The following H3C6 variants were observed in gnomAD, a reference collection of about 807,000 sequenced individuals.
The protein encoded by H3C6 is H3 clustered histone 6.
In H3C6, 17 loss-of-function variants were observed where a neutral mutation model predicts 8.0. That is an observed-to-expected ratio of 2.13 (90% CI 1.46 to 3.19). The LOEUF is 3.19. Among genes scored for constraint, H3C6 ranks in the 30% most tolerant of loss-of-function variants. The pLI is 0.00. For missense variants in H3C6, 298 were observed against 193.8 expected, an observed-to-expected ratio of 1.54 and a Z score of -3.19; for synonymous variants, 169 against 78.0, an observed-to-expected ratio of 2.17 and a Z score of -6.15.
chr6:26,224,529 G>A (rs1156313639), upstream of H3C6, among the ~76,000 whole-genome samples: 10 of 152,156 alleles, frequency 6.6e-5, no homozygotes, highest in South Asian at 1.7e-3. Flanking sequence ...TCAACAAAAC[G>A]AAATAATAGT....
At position 26,225,379 on chromosome 6, in the gene H3C6, A is replaced by T; in HGVS notation, c.225A>T (p.Ile75=). 1 of 1,614,236 alleles carries T rather than the reference A, an allele frequency of 6.2e-7. No homozygotes were observed. Among genetic ancestry groups the T allele is most frequent in the South Asian group, 1.1e-5 (1 of 91,090 alleles). The change falls in exon 1 of 1, where the codon ATA becomes ATT. Residue 75 remains isoleucine, a synonymous_variant. Transcript: ENST00000614911. The part of the protein sequence containing the change: ...KLPFQRLVRE[I]AQDFKTDLRF... ...CGTTTCAGCGCCTGGTGCGAGAAAT[A>T]GCTCAGGACTTCAAGACCGACCTGC...
At position 26,225,149 on chromosome 6, in the gene H3C6, T is replaced by G; in HGVS notation, c.-6T>G. 1 of 1,535,986 alleles carries G rather than the reference T, an allele frequency of 6.5e-7. No individual in the cohort carries two copies. Among genetic ancestry groups the G allele is most frequent in the Non-Finnish European group, 8.7e-7 (1 of 1,144,132 alleles). ...CTTCCTAACTCATTTACTTTGCAGA[T>G]GAACTATGGCGCGTACTAAGCAGAC... On this transcript the variant is annotated 5_prime_UTR_variant, in exon 1 of 1. An upstream start codon of the reference 5' UTR is lost. Coordinates refer to ENST00000614911, the MANE Select transcript of H3C6 (RefSeq NM_003532.3).
In H3C6 at chr6:26,225,428, G is replaced by A; in HGVS notation, c.274G>A (p.Ala92Thr). The A allele has an allele frequency of 6.2e-7, 1 of 1,614,262 alleles. No homozygotes were observed. The highest frequency in any genetic ancestry group is 8.5e-7 in the Non-Finnish European group (1 of 1,180,044). The stretch of plus-strand genomic sequence containing the variant: ...GCGCTTCCAGAGTTCCGCGGTGATG[G>A]CGCTGCAGGAGGCCTGCGAGGCCTA... ...DLRFQSSAVM[A>T]LQEACEAYLV... Residue 92 changes from alanine to threonine, a missense_variant, in exon 1 of 1, where the codon GCG becomes ACG. Coordinates refer to ENST00000614911, the MANE Select transcript of H3C6 (RefSeq NM_003532.3).
chr6:26,227,124 G>A (rs1759588499), downstream of H3C6: 1 of 152,180 alleles, frequency 6.6e-6, no homozygotes, highest in Non-Finnish European at 1.5e-5. Context: ...TTGTGAATTG[G>A]AGATTCAGTG....
In H3C6 at chr6:26,225,390, T is replaced by TC. The variant is rs1765608719; in HGVS notation, c.237dup (p.Lys80GlnfsTer44). On this transcript the variant is annotated frameshift_variant, in exon 1 of 1. Coordinates refer to ENST00000614911, the MANE Select transcript of H3C6 (RefSeq NM_003532.3). LOFTEE classifies it high-confidence loss of function. ...CTGGTGCGAGAAATAGCTCAGGACT[T>TC]CAAGACCGACCTGCGCTTCCAGAGT... is the stretch of plus-strand genomic sequence containing the variant. 1.9e-6 allele frequency: 3 copies of TC among 1,614,106 alleles called. No individual in the cohort carries two copies. Among genetic ancestry groups the TC allele is most frequent in the Non-Finnish European group, 2.5e-6 (3 of 1,180,044 alleles).
downstream of H3C6, chr6:26,225,688 A>G (rs1759529979): frequency 1.7e-6 from 2 of 1,199,820 alleles, no homozygotes; most frequent in African/African-American, 1.5e-5. Context: ...CCAAATAGAC[A>G]TTTGAAATAG....
downstream of H3C6, chr6:26,225,695 A>G (rs908148388): frequency 2.9e-4 from 334 of 1,153,552 alleles, 2 homozygotes; most frequent in Admixed American, 2.1e-3. Context: ...GACATTTGAA[A>G]TAGTGGCATT....
chr6:26,225,742 A>C (rs1242643198), downstream of H3C6: 1 of 810,506 alleles, frequency 1.2e-6, no homozygotes, highest in Non-Finnish European at 1.9e-6. Context: ...TTCCAAATTT[A>C]AGCGCTCCCT....
upstream of H3C6, chr6:26,224,374 C>T (rs1349868453): frequency 3.3e-5 from 5 of 152,224 alleles, no homozygotes; most frequent in Non-Finnish European, 7.3e-5. Context: ...CAGCTCTCTC[C>T]CGCAGGGATC....
Position 26,225,602 on chromosome 6 carries a change from T to C in H3C6, c.*37T>C, listed in dbSNP as rs765927305. On this transcript the variant is annotated 3_prime_UTR_variant, in exon 1 of 1. Transcript: ENST00000614911. ...TACAAACCTTAAATCCAAAGGCTCT[T>C]CTCAGAGCCAACCACTTTGTCCGTG... 6 of 1,582,162 alleles carry C rather than the reference T, an allele frequency of 3.8e-6. No homozygotes were observed. Among genetic ancestry groups the C allele is most frequent in the South Asian group, 1.2e-5 (1 of 86,290 alleles).
chr6:26,225,662 A>G (rs1335455365), downstream of H3C6: 5 of 1,306,624 alleles, frequency 3.8e-6, no homozygotes, highest in East Asian at 2.3e-5. Context: ...GCATTAGACC[A>G]CTAAACTGCA....
upstream of H3C6, among the ~76,000 whole-genome samples, chr6:26,224,682 T>G (rs1484220215): frequency 6.6e-6 from 1 of 152,192 alleles, no homozygotes; most frequent in Non-Finnish European, 1.5e-5. Flanking sequence ...ATTAGCCTTG[T>G]ACTCTATAAT....
chr6:26,226,356 CTTTTCTTAT>C (rs1348723225), downstream of H3C6: 1 of 145,624 alleles, frequency 6.9e-6, no homozygotes, highest in African/African-American at 2.6e-5. Flanking sequence ...TTGCTTTTTT[CTTTTCTTAT>C]TTATTTATTT....
chr6:26,225,379 A>G lies in H3C6; in HGVS notation c.225A>G (p.Ile75Met), dbSNP rs1765608332. 1 of 1,614,118 alleles carries G rather than the reference A, an allele frequency of 6.2e-7. No individual in the cohort carries two copies. The highest frequency in any genetic ancestry group is 1.3e-5 in the African/African-American group (1 of 74,950). Residue 75 changes from isoleucine (I) to methionine (M), a missense_variant, in exon 1 of 1, where the codon ATA (isoleucine) becomes ATG (methionine). Transcript: ENST00000614911. ...KLPFQRLVRE[I>M]AQDFKTDLRF... ...CGTTTCAGCGCCTGGTGCGAGAAAT[A>G]GCTCAGGACTTCAAGACCGACCTGC... is the stretch of plus-strand genomic sequence containing the variant.
upstream of H3C6, among the ~76,000 whole-genome samples, chr6:26,224,593 T>C (rs1765588354): frequency 6.6e-6 from 1 of 152,230 alleles, no homozygotes; most frequent in Admixed American, 6.5e-5. Flanking sequence ...TCCAGGATAT[T>C]AGAATTTTAC....
Position 26,225,209 on chromosome 6 carries a change from A to T in H3C6, c.55A>T (p.Lys19Ter). The change falls in exon 1 of 1, where the codon AAA becomes TAA. Residue 19 changes from lysine (K) to a stop codon, truncating the protein, a stop_gained. Coordinates refer to ENST00000614911, the MANE Select transcript of H3C6 (RefSeq NM_003532.3). LOFTEE classifies it high-confidence loss of function. ...ATCCACAGGCGGTAAAGCACCGCGCAAACAGCTGGCCACTAAGGCAGCTCG... is the reference window on the plus strand; with the variant it reads ...ATCCACAGGCGGTAAAGCACCGCGCTAACAGCTGGCCACTAAGGCAGCTCG... ...RKSTGGKAPR[K>*]QLATKAARKS... 7 of 1,604,756 alleles carry T rather than the reference A, an allele frequency of 4.4e-6. No homozygotes were observed. The highest frequency in any genetic ancestry group is 5.1e-6 in the Non-Finnish European group (6 of 1,175,468).
upstream of H3C6, among the ~76,000 whole-genome samples, chr6:26,224,747 A>G (rs79922979): frequency 0.16 from 23,911 of 152,206 alleles, 2,019 homozygotes; most frequent in South Asian, 0.23. Context: ...TGAGTGAATA[A>G]GGAAGGGAAA....
At chr6:26,225,782 A>T (rs1474089921), downstream of H3C6, 1 of 533,866 alleles carries the variant, frequency 1.9e-6, no homozygotes, top group African/African-American at 1.9e-5. Context: ...GGGCCTCCCT[A>T]CGCTGTTCTC....
chr6:26,225,625 G>T (rs893469499), downstream of H3C6: 5 of 1,549,490 alleles, frequency 3.2e-6, no homozygotes, highest in African/African-American at 2.7e-5. Context: ...CACTTTGTCC[G>T]TGAAAAGGGC....
Sources: gnomAD v4.1 joint callset for allele counts (sites outside exome capture counted in the v4.1 genomes callset) on GRCh38, gnomAD v4.1.1 for gene constraint, MANE v1.5 for transcripts, NCBI Gene and HGNC (gene_info 2026-07-23, HGNC 2026-07-21) for gene names.